HOXC5: variants seen among roughly 807,000 people sequenced by gnomAD.
HOXC5 encodes the protein homeobox C5, also known as homeobox protein Hox-C5.
Under a neutral mutation model 20.1 loss-of-function variants are expected in HOXC5, and 19 were observed. That is an observed-to-expected ratio of 0.94 (90% CI 0.66 to 1.38). HOXC5 has a LOEUF of 1.38. Ranked by LOEUF, HOXC5 falls within the 40% of genes most tolerant of loss-of-function variation. The pLI, the probability that HOXC5 is intolerant of heterozygous loss-of-function variation, is 0.00. For missense variants in HOXC5, 330 were observed against 300.1 expected, an observed-to-expected ratio of 1.10 and a Z score of -0.74; for synonymous variants, 124 against 117.0, an observed-to-expected ratio of 1.06 and a Z score of -0.39.
rs1166912802 is a variant in HOXC5 at position 54,033,511 on chromosome 12, G to A, written c.389G>A (p.Gly130Glu). ...CAGGCGCAGACAGGGCAGCCCGCCG[G>A]ACTGAGCCAGCCACCGGCCCCGCCA... is the stretch of plus-strand genomic sequence containing the variant. Reference protein sequence around the residue: ...EEQAQTGQPAGLSQPPAPPQI... With the variant: ...EEQAQTGQPAELSQPPAPPQI... Residue 130 changes from glycine to glutamate, a missense_variant, in exon 1 of 2, where the codon GGA (glycine) becomes GAA (glutamate). Transcript: ENST00000312492. 1 of 1,585,442 alleles carries A rather than the reference G, an allele frequency of 6.3e-7. No homozygotes were observed. Among genetic ancestry groups the A allele is most frequent in the South Asian group, 1.1e-5 (1 of 88,236 alleles).
At position 54,034,468 on chromosome 12, in the gene HOXC5, A is replaced by G. The variant is rs1182696448; in HGVS notation, c.645A>G (p.Lys215=). The G allele has an allele frequency of 6.2e-7, 1 of 1,614,138 alleles. No homozygotes were observed. The highest frequency in any genetic ancestry group is 1.1e-5 in the South Asian group (1 of 91,076). Reference sequence around the variant, plus strand: ...GGATGAAGTGGAAGAAAGATTCCAAAATGAAAAGCAAAGAGGCTCTTTAGA... The same window carrying G: ...GGATGAAGTGGAAGAAAGATTCCAAGATGAAAAGCAAAGAGGCTCTTTAGA... ...NRRMKWKKDS[K]MKSKEAL is the part of the protein sequence containing the mutation. The change falls in exon 2 of 2, where the codon AAA becomes AAG. Residue 215 remains lysine, a synonymous_variant. Coordinates refer to ENST00000312492, the MANE Select transcript of HOXC5 (RefSeq NM_018953.4).
At chr12:54,018,085 C>A in the HOXC5 span, among the ~76,000 whole-genome samples, 1 of 152,088 alleles carries the variant, frequency 6.6e-6, no homozygotes, top group Non-Finnish European at 1.5e-5. Context: ...GTCTGCCCAC[C>A]CCCTGCTCCC....
rs1472454228 is a variant in HOXC5 at position 54,034,544 on chromosome 12, C to A, written c.*52C>A. ...CGCCCCTAGCCGGTTCCTGTCCCTGCGCCTTTCCTTTTCGCCTTTCCTCTC... is the reference window on the plus strand; with the variant it reads ...CGCCCCTAGCCGGTTCCTGTCCCTGAGCCTTTCCTTTTCGCCTTTCCTCTC... On this transcript the variant is annotated 3_prime_UTR_variant, in exon 2 of 2. Coordinates refer to ENST00000312492, the MANE Select transcript of HOXC5 (RefSeq NM_018953.4). 2.1e-6 allele frequency: 3 copies of A among 1,462,634 alleles called. No homozygotes were observed. Among genetic ancestry groups the A allele is most frequent in the Admixed American group, 1.7e-5 (1 of 57,300 alleles). 90.6% of individuals were successfully genotyped at this position (1,462,634 alleles called of 1,614,324 possible).
chr12:54,029,861 A>G, upstream of HOXC5: 1 of 1,612,902 alleles, frequency 6.2e-7, no homozygotes, highest in Non-Finnish European at 8.5e-7. Context: ...ATCTAATCTC[A>G]CATCCACTCT....
the HOXC5 span, among the ~76,000 whole-genome samples, chr12:54,019,240 T>C: frequency 7.9e-6 from 1 of 127,244 alleles, no homozygotes; most frequent in African/African-American, 3.0e-5. Flanking sequence ...CTAATTTCGC[T>C]TTCCTTGTTT....
the HOXC5 span, among the ~76,000 whole-genome samples, chr12:54,024,847 G>T: frequency 1.3e-5 from 2 of 152,236 alleles, no homozygotes; most frequent in South Asian, 2.1e-4. Flanking sequence ...GGTCCAAGGC[G>T]CAGGCAGTAA....
chr12:54,030,051 C>G, upstream of HOXC5: 2 of 1,256,606 alleles, frequency 1.6e-6, no homozygotes, highest in Non-Finnish European at 2.2e-6. Context: ...TTATCACTGG[C>G]ACAATTGATG....
At chr12:54,027,053 C>T in the HOXC5 span, among the ~76,000 whole-genome samples, 1 of 152,042 alleles carries the variant, frequency 6.6e-6, no homozygotes, top group African/African-American at 2.4e-5. Context: ...GCCTATATCA[C>T]GATATCAAAT....
In HOXC5 at chr12:54,033,214, CAGAGG is replaced by C; in HGVS notation, c.93_97del (p.Glu32AlafsTer80). ...ACTTGTGGGAACTATGGATCGGCCT[CAGAGG>C]TGCAGGCATCCAGGTACTGCTACGG... is the stretch of plus-strand genomic sequence containing the variant. On this transcript the variant is annotated frameshift_variant, in exon 1 of 2. Coordinates refer to ENST00000312492, the MANE Select transcript of HOXC5 (RefSeq NM_018953.4). LOFTEE classifies it high-confidence loss of function. 1 of 1,614,204 alleles carries C rather than the reference CAGAGG, an allele frequency of 6.2e-7. No homozygotes were observed. Among genetic ancestry groups the C allele is most frequent in the South Asian group, 1.1e-5 (1 of 91,088 alleles).
chr12:54,018,976 T>A, the HOXC5 span, among the ~76,000 whole-genome samples: 1 of 152,074 alleles, frequency 6.6e-6, no homozygotes, highest in African/African-American at 2.4e-5. Flanking sequence ...GAAACCTGTT[T>A]TTATCAAATT....
At chr12:54,029,738 T>C (rs1940908255), upstream of HOXC5, 1 of 1,614,186 alleles carries the variant, frequency 6.2e-7, no homozygotes. Flanking sequence ...GGAATTTCAC[T>C]TCAATCGCTA....
the HOXC5 span, chr12:54,022,014 G>A: frequency 6.6e-6 from 1 of 152,202 alleles, no homozygotes; most frequent in Non-Finnish European, 1.5e-5. Context: ...TAGGGTCAGG[G>A]GAATTATGGG....
chr12:54,030,191 T>C, upstream of HOXC5: 1 of 463,276 alleles, frequency 2.2e-6, no homozygotes, highest in Non-Finnish European at 3.8e-6. Flanking sequence ...GCTAGCTCGT[T>C]CTCGGCTTGT....
the HOXC5 span, among the ~76,000 whole-genome samples, chr12:54,025,866 A>C: frequency 1.6e-4 from 24 of 152,102 alleles, no homozygotes; most frequent in Admixed American, 9.8e-4. Flanking sequence ...GGCTCAAGGA[A>C]ACCTAGGCAT....
At chr12:54,028,578 C>T, upstream of HOXC5, 1 of 1,614,070 alleles carries the variant, frequency 6.2e-7, no homozygotes, top group Non-Finnish European at 8.5e-7. Flanking sequence ...GGGGCCAGGA[C>T]GTCCTCCCCA....
the HOXC5 span, chr12:54,020,966 G>C: frequency 6.6e-6 from 1 of 152,254 alleles, no homozygotes; most frequent in Non-Finnish European, 1.5e-5. Context: ...ATTGAGTTCT[G>C]CGGGATTCTT....
chr12:54,034,414 A>G lies in HOXC5; in HGVS notation c.591A>G (p.Arg197=), dbSNP rs1387601776. The change falls in exon 2 of 2, where the codon AGA becomes AGG. Residue 197 remains arginine, a synonymous_variant. Coordinates refer to ENST00000312492, the MANE Select transcript of HOXC5 (RefSeq NM_018953.4). ...CCAACAACTTGTGTCTCAATGAGAGACAGATCAAGATCTGGTTCCAGAACC... is the reference window on the plus strand; with the variant it reads ...CCAACAACTTGTGTCTCAATGAGAGGCAGATCAAGATCTGGTTCCAGAACC... The part of the protein sequence containing the change: ...EIANNLCLNE[R]QIKIWFQNRR... 11 of 1,614,146 alleles carry G rather than the reference A, an allele frequency of 6.8e-6. No individual in the cohort carries two copies. The highest frequency in any genetic ancestry group is 9.3e-6 in the Non-Finnish European group (11 of 1,180,034).
chr12:54,018,346 C>CG, the HOXC5 span, among the ~76,000 whole-genome samples: 4 of 152,060 alleles, frequency 2.6e-5, no homozygotes, highest in East Asian at 1.9e-4. Flanking sequence ...TGCCTCGCCT[C>CG]GGGGGGAGGT....
At chr12:54,022,100 C>T in the HOXC5 span, 2 of 152,278 alleles carry the variant, frequency 1.3e-5, no homozygotes, top group African/African-American at 4.8e-5. Context: ...GCTTTTCTTC[C>T]TTCCCCTGGT....
Sources: gnomAD v4.1 joint callset for allele counts (sites outside exome capture counted in the v4.1 genomes callset) on GRCh38, gnomAD v4.1.1 for gene constraint, MANE v1.5 for transcripts, NCBI Gene and HGNC (gene_info 2026-07-23, HGNC 2026-07-21) for gene names.